NCALD: variants seen among roughly 807,000 people sequenced by gnomAD.
The protein encoded by NCALD is neurocalcin delta, also known as neurocalcin-delta.
NCALD carries 10 observed loss-of-function variants against 18.6 expected under a neutral mutation model. That is an observed-to-expected ratio of 0.54 (90% CI 0.33 to 0.91). The LOEUF is 0.91. NCALD is among the 40% of genes least tolerant of loss of function. The pLI is 0.03. For missense variants in NCALD, 184 were observed against 247.6 expected (o/e 0.74, Z 1.72); for synonymous variants, 88 against 87.4 (o/e 1.01, Z -0.04).
At chr8:101,848,580 A>T (rs1202144621) in intron 4 of NCALD, among the ~76,000 whole-genome samples, 1 of 152,184 alleles carries the variant, frequency 6.6e-6, no homozygotes, top group Non-Finnish European at 1.5e-5. Flanking sequence ...TGGGTTTTAT[A>T]TGGAGAGTCA....
intron 2 of NCALD, among the ~76,000 whole-genome samples, chr8:101,956,008 GA>G (rs1271050215): frequency 6.6e-6 from 1 of 152,134 alleles, no homozygotes; most frequent in Non-Finnish European, 1.5e-5. Context: ...GAAAATGATG[GA>G]AAGTAAACAA....
At chr8:101,932,366 A>T (rs550102196) in intron 2 of NCALD, among the ~76,000 whole-genome samples, 6 of 152,184 alleles carry the variant, frequency 3.9e-5, no homozygotes, top group Admixed American at 3.9e-4. Flanking sequence ...CCCCAAAATA[A>T]TCACATCCCC....
intron 1 of NCALD, among the ~76,000 whole-genome samples, chr8:102,030,125 G>A (rs1586949449): frequency 6.6e-6 from 1 of 152,198 alleles, no homozygotes; most frequent in East Asian, 1.9e-4. Flanking sequence ...CAGGAAGCCA[G>A]CGTTCTGGTC....
intron 1 of NCALD, among the ~76,000 whole-genome samples, chr8:102,076,328 G>GAC (rs148562257): frequency 0.026 from 3,931 of 152,234 alleles, 132 homozygotes; most frequent in East Asian, 0.13. Context: ...GCTAATGAGT[G>GAC]ACACACACAG....
At chr8:102,050,824 T>C (rs928866196) in intron 1 of NCALD, among the ~76,000 whole-genome samples, 9 of 146,628 alleles carry the variant, frequency 6.1e-5, no homozygotes, top group African/African-American at 2.0e-4. Context: ...CATTTTTAAT[T>C]TAATTAATTT....
chr8:101,895,134 A>G (rs1817106247), intron 3 of NCALD, among the ~76,000 whole-genome samples: 1 of 151,136 alleles, frequency 6.6e-6, no homozygotes, highest in Non-Finnish European at 1.5e-5. Context: ...AGCAAAACGA[A>G]TCCAGCAGCA....
chr8:101,855,961 G>T (rs1252812227), intron 4 of NCALD, among the ~76,000 whole-genome samples: 1 of 152,090 alleles, frequency 6.6e-6, no homozygotes, highest in African/African-American at 2.4e-5. Context: ...ATATCCTCAT[G>T]AACACTCATA....
chr8:101,807,811 C>T (rs961733018), intron 4 of NCALD, among the ~76,000 whole-genome samples: 7 of 151,946 alleles, frequency 4.6e-5, no homozygotes, highest in Non-Finnish European at 5.9e-5. Context: ...TTTCTTTGAC[C>T]CTGAATTAAT....
chr8:102,111,929 C>G lies in NCALD; in HGVS notation c.-210+12308G>C, dbSNP rs149508505. On this transcript the variant is annotated intron_variant, in intron 1 of 6. Transcript: ENST00000311028. ...AACATTTGAATTATGGGTGATAACACTACAGTTATGTGCCTAAAACTGCTA... is the reference window on the plus strand; with the variant it reads ...AACATTTGAATTATGGGTGATAACAGTACAGTTATGTGCCTAAAACTGCTA... 7.9e-4 allele frequency among the ~76,000 whole-genome samples: 121 copies of G among 152,272 alleles called. 1 individual carries two copies. Among genetic ancestry groups the G allele is most frequent in the African/African-American group, 2.6e-3 (108 of 41,544 alleles).
intron 4 of NCALD, among the ~76,000 whole-genome samples, chr8:101,800,030 G>C (rs781741934): frequency 6.6e-6 from 1 of 152,060 alleles, no homozygotes; most frequent in Non-Finnish European, 1.5e-5. Flanking sequence ...ATGAAGGTGA[G>C]ATAAAATATT....
chr8:101,891,351 T>A (rs1213681302), intron 3 of NCALD, among the ~76,000 whole-genome samples: 1 of 152,254 alleles, frequency 6.6e-6, no homozygotes, highest in South Asian at 2.1e-4. Context: ...AGAATATTAG[T>A]AAATACAATC....
rs116344172 is a variant in NCALD at position 101,993,430 on chromosome 8, C to T, written c.-157+26807G>A. On this transcript the variant is annotated intron_variant, in intron 2 of 6. Coordinates refer to the NCALD transcript ENST00000311028. ...GCTAATTGGCTGTTGAACCAATGTC[C>T]CAGCAAAGGGAAGAGGAGCTCCACT... 7.1e-3 allele frequency among the ~76,000 whole-genome samples: 1,074 copies of T among 152,272 alleles called. 12 individuals are homozygous for T. Among genetic ancestry groups the T allele is most frequent in the African/African-American group, 0.021 (884 of 41,554 alleles).
intron 2 of NCALD, among the ~76,000 whole-genome samples, chr8:101,995,903 A>G (rs1381216996): frequency 6.6e-6 from 1 of 152,194 alleles, no homozygotes; most frequent in Non-Finnish European, 1.5e-5. Context: ...AGAGCATCCT[A>G]TAACTAACTT....
chr8:101,814,615 G>C (rs1225503553), intron 4 of NCALD, among the ~76,000 whole-genome samples: 1 of 151,916 alleles, frequency 6.6e-6, no homozygotes, highest in Non-Finnish European at 1.5e-5. Context: ...CATCATACTG[G>C]AATGACGCAA....
At chr8:101,756,166 G>A (rs1810872432) in intron 1 of NCALD, among the ~76,000 whole-genome samples, 1 of 151,962 alleles carries the variant, frequency 6.6e-6, no homozygotes, top group Non-Finnish European at 1.5e-5. Context: ...TACCGCTAGT[G>A]GCTCCATTGT....
intron 2 of NCALD, among the ~76,000 whole-genome samples, chr8:101,919,291 A>G (rs116206535): frequency 0.01 from 1,597 of 152,282 alleles, 18 homozygotes; most frequent in Middle Eastern, 0.041. Context: ...AGGACTTCCT[A>G]TTCAAAAAAT....
chr8:101,849,871 C>T (rs777658715), intron 4 of NCALD, among the ~76,000 whole-genome samples: 66 of 152,216 alleles, frequency 4.3e-4, no homozygotes, highest in Non-Finnish European at 7.9e-4. Context: ...AATGAATTCA[C>T]ACTGAAGACG....
intron 1 of NCALD, among the ~76,000 whole-genome samples, chr8:102,085,230 G>A (rs1824697345): frequency 6.6e-6 from 1 of 152,094 alleles, no homozygotes. Flanking sequence ...GCAGAACTCT[G>A]CCATCTACCC....
chr8:101,812,462 G>A (rs1813341085), intron 4 of NCALD, among the ~76,000 whole-genome samples: 1 of 152,076 alleles, frequency 6.6e-6, no homozygotes, highest in African/African-American at 2.4e-5. Flanking sequence ...TGTCATGGCT[G>A]GGAAGGACTA....
Sources: gnomAD v4.1 joint callset for allele counts (sites outside exome capture counted in the v4.1 genomes callset) on GRCh38, gnomAD v4.1.1 for gene constraint, MANE v1.5 for transcripts, NCBI Gene and HGNC (gene_info 2026-07-23, HGNC 2026-07-21) for gene names.